Variants in PHF24 observed in about 807,000 individuals in gnomAD.
The protein encoded by PHF24 is Galpha inhibitory interacting protein.
A neutral mutation model predicts 42.6 loss-of-function variants in PHF24; 25 were observed. That is an observed-to-expected ratio of 0.59 (90% CI 0.43 to 0.82). The LOEUF (loss-of-function observed/expected upper bound fraction) is 0.82, where lower values mean the gene tolerates loss of function less well. PHF24 is among the 40% of genes least tolerant of loss of function. The pLI is 0.00. For synonymous variants in PHF24, 185 were observed against 204.8 expected, an observed-to-expected ratio of 0.90 and a Z score of 0.83; for missense variants, 470 against 538.1, an observed-to-expected ratio of 0.87 and a Z score of 1.25.
chr9:34,802,906 G>A, the PHF24 span, among the ~76,000 whole-genome samples: 1 of 152,116 alleles, frequency 6.6e-6, no homozygotes, highest in Non-Finnish European at 1.5e-5. Flanking sequence ...AACGGGTTTT[G>A]AGACTTCCTG....
At chr9:34,738,639 C>A in the PHF24 span, among the ~76,000 whole-genome samples, 1 of 152,226 alleles carries the variant, frequency 6.6e-6, no homozygotes, top group Non-Finnish European at 1.5e-5. Context: ...AGCCACCACG[C>A]CCTGCCTAGA....
chr9:34,939,325 T>A, the PHF24 span, among the ~76,000 whole-genome samples: 1 of 152,122 alleles, frequency 6.6e-6, no homozygotes, highest in African/African-American at 2.4e-5. Flanking sequence ...TACCTATGTG[T>A]CTTAGTTTAG....
At chr9:34,918,055 T>C in the PHF24 span, 1 of 1,375,802 alleles carries the variant, frequency 7.3e-7, no homozygotes, top group Non-Finnish European at 1.0e-6. Context: ...AAAGGAGGCC[T>C]GGACAAGGCC....
the PHF24 span, chr9:34,835,772 C>G: frequency 6.4e-7 from 1 of 1,550,928 alleles, no homozygotes; most frequent in African/African-American, 1.4e-5. Flanking sequence ...GATTTCTGAT[C>G]TGTTAATTGT....
chr9:34,774,176 G>A, the PHF24 span, among the ~76,000 whole-genome samples: 1 of 152,076 alleles, frequency 6.6e-6, no homozygotes, highest in Non-Finnish European at 1.5e-5. Flanking sequence ...TTATGACATT[G>A]GATTTGGCAA....
At chr9:34,675,136 G>A in the PHF24 span, among the ~76,000 whole-genome samples, 1 of 152,228 alleles carries the variant, frequency 6.6e-6, no homozygotes, top group African/African-American at 2.4e-5. Flanking sequence ...AGGAGTATAG[G>A]TGTGAGCCAC....
the PHF24 span, chr9:34,838,559 A>AGCACTGGGAGTCATTAGGC: frequency 1.9e-6 from 2 of 1,061,274 alleles, no homozygotes; most frequent in Non-Finnish European, 2.8e-6. Flanking sequence ...TCTGGTGCCT[A>AGCACTGGGAGTCATTAGGC]ATGACTCCCA....
chr9:34,865,491 G>A, the PHF24 span, among the ~76,000 whole-genome samples: 2 of 152,092 alleles, frequency 1.3e-5, no homozygotes, highest in Admixed American at 1.3e-4. Context: ...TTAAATCCAG[G>A]AGGCAGAGGT....
the PHF24 span, among the ~76,000 whole-genome samples, chr9:34,717,275 G>T: frequency 6.8e-6 from 1 of 146,228 alleles, no homozygotes; most frequent in Non-Finnish European, 1.5e-5. Context: ...GGTTGGGATT[G>T]TGGGTTAACA....
At chr9:34,709,077 A>G in the PHF24 span, 1 of 454,656 alleles carries the variant, frequency 2.2e-6, no homozygotes, top group Non-Finnish European at 3.9e-6. Context: ...GGTGGGGTGT[A>G]CTGGGGAGCC....
chr9:34,666,723 G>C, the PHF24 span, among the ~76,000 whole-genome samples: 1 of 152,162 alleles, frequency 6.6e-6, no homozygotes, highest in African/African-American at 2.4e-5. Flanking sequence ...CGAGGTGGGT[G>C]GATCACGAGT....
At chr9:34,768,915 A>G in the PHF24 span, among the ~76,000 whole-genome samples, 6 of 141,426 alleles carry the variant, frequency 4.2e-5, no homozygotes, top group African/African-American at 1.4e-4. Flanking sequence ...AGAGAGAGGG[A>G]GAGAGAGAGA....
At chr9:34,950,109 T>G in the PHF24 span, among the ~76,000 whole-genome samples, 1 of 151,530 alleles carries the variant, frequency 6.6e-6, no homozygotes. Context: ...AAAAAAGAAT[T>G]GACTGGTGAC....
chr9:34,728,637 C>A, the PHF24 span: 1 of 1,551,324 alleles, frequency 6.4e-7, no homozygotes. Context: ...TAGCTCTTTG[C>A]CTGACTTTTT....
At chr9:34,679,213 G>T in the PHF24 span, among the ~76,000 whole-genome samples, 1 of 152,228 alleles carries the variant, frequency 6.6e-6, no homozygotes, top group African/African-American at 2.4e-5. Flanking sequence ...TGACTCATCA[G>T]ATCCAGTGGT....
intron 1 of PHF24, among the ~76,000 whole-genome samples, chr9:34,963,126 G>A (rs1365885784): frequency 6.6e-6 from 1 of 152,152 alleles, no homozygotes; most frequent in Non-Finnish European, 1.5e-5. Flanking sequence ...AAATGTCTGA[G>A]TAGGAACAGG....
At chr9:34,701,555 G>A in the PHF24 span, among the ~76,000 whole-genome samples, 1 of 152,240 alleles carries the variant, frequency 6.6e-6, no homozygotes, top group South Asian at 2.1e-4. This position sits in a 1 kb window ranked among gnomAD's most constrained non-coding sequence, Gnocchi z 5.8. Flanking sequence ...GAGAGGCTGC[G>A]GTGAGCGGGC....
At chr9:34,725,866 T>C in the PHF24 span, 1 of 1,551,998 alleles carries the variant, frequency 6.4e-7, no homozygotes, top group Non-Finnish European at 8.7e-7. Context: ...TGGGCACATT[T>C]TCAATCTTGG....
chr9:34,856,437 C>T, the PHF24 span, among the ~76,000 whole-genome samples: 2 of 152,094 alleles, frequency 1.3e-5, no homozygotes, highest in Middle Eastern at 6.3e-3. Context: ...AGTTTGCTGA[C>T]CTTTAAGTGG....
Sources: gnomAD v4.1 joint callset for allele counts (sites outside exome capture counted in the v4.1 genomes callset) on GRCh38, gnomAD v4.1.1 for gene constraint, Gnocchi (gnomAD v3.1) non-coding constraint, MANE v1.5 for transcripts, NCBI Gene and HGNC (gene_info 2026-07-23, HGNC 2026-07-21) for gene names.